NFAT5: variants seen among roughly 807,000 people sequenced by gnomAD.
The protein encoded by NFAT5 is nuclear factor of activated T cells 5.
Under a neutral mutation model 166.5 loss-of-function variants are expected in NFAT5, and 31 were observed. The observed-to-expected ratio is 0.19, with a 90% CI of 0.14 to 0.25. The LOEUF (loss-of-function observed/expected upper bound fraction) is 0.25, where lower values mean the gene tolerates loss of function less well. Ranked by LOEUF, NFAT5 falls within the 10% of genes least tolerant of loss-of-function variation. The pLI is 1.00. For synonymous variants in NFAT5, 612 were observed against 639.7 expected (o/e 0.96, Z 0.65); for missense variants, 1,449 against 1,821.8 (o/e 0.80, Z 3.72).
intron 4 of NFAT5, among the ~76,000 whole-genome samples, chr16:69,650,217 G>A (rs11865019): frequency 0.044 from 6,710 of 152,062 alleles, 501 homozygotes; most frequent in African/African-American, 0.15. Flanking sequence ...AATAGAATAT[G>A]CCATGATGGT....
At chr16:69,686,401 T>A (rs573263664) in intron 11 of NFAT5, among the ~76,000 whole-genome samples, 25 of 151,996 alleles carry the variant, frequency 1.6e-4, no homozygotes, top group Admixed American at 3.3e-4. Flanking sequence ...CATGCACTTA[T>A]CATCCTAGCT....
chr16:69,681,918 A>G (rs1233897968), intron 10 of NFAT5, among the ~76,000 whole-genome samples: 10 of 122,546 alleles, frequency 8.2e-5, no homozygotes, highest in East Asian at 2.1e-4. Flanking sequence ...ACTCCATCTG[A>G]AAAAAAAAAA....
chr16:69,605,120 A>C (rs1332776059), intron 2 of NFAT5, among the ~76,000 whole-genome samples: 7 of 152,190 alleles, frequency 4.6e-5, no homozygotes, highest in Admixed American at 2.6e-4. Flanking sequence ...TGGATGTTTA[A>C]AAATTCTATA....
At chr16:69,567,241 CTT>C (rs901392559) in intron 1 of NFAT5, among the ~76,000 whole-genome samples, 1 of 152,220 alleles carries the variant, frequency 6.6e-6, no homozygotes, top group Non-Finnish European at 1.5e-5. Context: ...TTTAAGAACT[CTT>C]TTGGCTAAGG....
chr16:69,618,066 G>C (rs2034036063), intron 2 of NFAT5, among the ~76,000 whole-genome samples: 1 of 151,144 alleles, frequency 6.6e-6, no homozygotes, highest in African/African-American at 2.4e-5. Context: ...GCTGAGGCAA[G>C]AGAATTGCTT....
At chr16:69,683,744 T>C (rs1597546715) in intron 10 of NFAT5, among the ~76,000 whole-genome samples, 2 of 151,812 alleles carry the variant, frequency 1.3e-5, no homozygotes, top group East Asian at 3.9e-4. Context: ...TCACTTAAAG[T>C]CAAAAGTTTG....
chr16:69,642,758 A>G (rs2035268318), intron 3 of NFAT5, among the ~76,000 whole-genome samples: 1 of 151,942 alleles, frequency 6.6e-6, no homozygotes, highest in South Asian at 2.1e-4. Flanking sequence ...TGGAGGTTGC[A>G]GAGAGCCAAG....
chr16:69,700,256 C>A lies in NFAT5; in HGVS notation c.*3905C>A, dbSNP rs971245129. ...TTTATTTTTATTTTTTGTAATATCA[C>A]ATGTGCTGTAGTTTGGAATTTTATT... On this transcript the variant is annotated 3_prime_UTR_variant, in exon 15 of 15. Transcript: ENST00000349945. The A allele has an allele frequency of 6.6e-6, 1 of 151,904 alleles. No homozygotes were observed. The highest frequency in any genetic ancestry group is 2.4e-5 in the African/African-American group (1 of 41,318). 9.4% of individuals were successfully genotyped at this position (151,904 alleles called of 1,614,324 possible).
In NFAT5 at chr16:69,693,079, C is replaced by T; in HGVS notation, c.3254C>T (p.Ser1085Leu). 1 of 1,614,108 alleles carries T rather than the reference C, an allele frequency of 6.2e-7. No homozygotes were observed. Among genetic ancestry groups the T allele is most frequent in the Non-Finnish European group, 8.5e-7 (1 of 1,180,044 alleles). The change falls in exon 13 of 15, where the codon TCA becomes TTA. Residue 1085 changes from serine to leucine, a missense_variant. Around this residue, in one of 7 missense-constraint regions of NFAT5, gnomAD observed 891 missense variants for 993.0 expected, o/e 0.90. Coordinates refer to ENST00000349945, the MANE Select transcript of NFAT5 (RefSeq NM_138713.4). ...SGNFLQQSSHSQAQLFHPQNP... is the reference protein window; with the variant it reads ...SGNFLQQSSHLQAQLFHPQNP... Reference sequence around the variant, plus strand: ...AATTTTTTGCAGCAGTCTTCTCATTCACAGGCCCAACTTTTTCATCCTCAA... The same window carrying T: ...AATTTTTTGCAGCAGTCTTCTCATTTACAGGCCCAACTTTTTCATCCTCAA...
intron 10 of NFAT5, among the ~76,000 whole-genome samples, chr16:69,680,984 T>G (rs2037036765): frequency 1.3e-5 from 2 of 152,304 alleles, no homozygotes; most frequent in Admixed American, 1.3e-4. Flanking sequence ...GGTCTCTAAC[T>G]CCTGACCTCA....
intron 2 of NFAT5, among the ~76,000 whole-genome samples, chr16:69,607,117 T>C (rs1160447817): frequency 6.6e-6 from 1 of 152,178 alleles, no homozygotes. Context: ...CTCTACAAGG[T>C]AGATAGGTAT....
chr16:69,684,864 T>C, intron 10 of NFAT5, 23 bp from the exon 11 acceptor site: 1 of 1,530,672 alleles, frequency 6.5e-7, no homozygotes. Context: ...TGTAGATAAA[T>C]ACATTAATCT....
intron 3 of NFAT5, among the ~76,000 whole-genome samples, chr16:69,638,746 A>G (rs1403156220): frequency 6.6e-6 from 1 of 151,994 alleles, no homozygotes; most frequent in Non-Finnish European, 1.5e-5. Flanking sequence ...AAAAAAAAAA[A>G]AAAAAAAAGT....
intron 2 of NFAT5, among the ~76,000 whole-genome samples, chr16:69,605,221 C>G (rs914782811): frequency 1.3e-5 from 2 of 152,202 alleles, no homozygotes; most frequent in African/African-American, 4.8e-5. Flanking sequence ...AGGTGGATCA[C>G]TTGAGTTCAG....
intron 2 of NFAT5, among the ~76,000 whole-genome samples, chr16:69,610,203 T>A (rs549498890): frequency 1.3e-5 from 2 of 152,260 alleles, no homozygotes; most frequent in Admixed American, 1.3e-4. Flanking sequence ...TAGGTGATAA[T>A]GGGGTGGAAG....
At chr16:69,569,787 A>C (rs1300777503) in intron 2 of NFAT5, among the ~76,000 whole-genome samples, 1 of 152,230 alleles carries the variant, frequency 6.6e-6, no homozygotes, top group African/African-American at 2.4e-5. Context: ...TTCTCAAATA[A>C]ATAATTGGTT....
intron 11 of NFAT5, among the ~76,000 whole-genome samples, chr16:69,687,920 C>T (rs1199260397): frequency 6.6e-6 from 1 of 152,000 alleles, no homozygotes; most frequent in South Asian, 2.1e-4. Flanking sequence ...TTTGGCCGGG[C>T]GCGGTGGCTC....
intron 2 of NFAT5, among the ~76,000 whole-genome samples, chr16:69,576,514 G>A (rs764289239): frequency 1.5e-4 from 23 of 152,158 alleles, no homozygotes; most frequent in Middle Eastern, 6.8e-3. Context: ...CTCAAAATTA[G>A]CAAATCATTG....
chr16:69,658,238 T>C (rs950452141), intron 6 of NFAT5, among the ~76,000 whole-genome samples: 4 of 151,938 alleles, frequency 2.6e-5, no homozygotes, highest in African/African-American at 9.7e-5. Context: ...ATCCCAATGC[T>C]TTGGAAAGCT....
Sources: allele counts gnomAD v4.1 joint callset (sites outside exome capture counted in the v4.1 genomes callset), GRCh38; gene constraint gnomAD v4.1.1; regional missense constraint gnomAD v4.1.1; transcripts MANE v1.5; gene names NCBI Gene and HGNC (gene_info 2026-07-23, HGNC 2026-07-21).